The following PTPRD variants were observed in gnomAD, a reference collection of about 807,000 sequenced individuals.
PTPRD encodes the protein protein tyrosine phosphatase receptor type D.
A neutral mutation model predicts 214.5 loss-of-function variants in PTPRD; 34 were observed. That is an observed-to-expected ratio of 0.16 (90% CI 0.12 to 0.21). The LOEUF (loss-of-function observed/expected upper bound fraction) is 0.21. Ranked by LOEUF, PTPRD falls within the 10% of genes least tolerant of loss-of-function variation. The pLI is 1.00. For synonymous variants in PTPRD, 1,128 were observed against 845.7 expected (o/e 1.33, Z -5.79); for missense variants, 2,545 against 2,398.7 (o/e 1.06, Z -1.27).
At chr9:9,224,592 G>A (rs1344534639) in intron 9 of PTPRD, among the ~76,000 whole-genome samples, 1 of 151,886 alleles carries the variant, frequency 6.6e-6, no homozygotes, top group Non-Finnish European at 1.5e-5. Flanking sequence ...CATTATTAAT[G>A]ATTAAGGTAA....
intron 11 of PTPRD, among the ~76,000 whole-genome samples, chr9:8,897,634 C>T (rs900121336): frequency 1.3e-5 from 2 of 152,186 alleles, no homozygotes; most frequent in Non-Finnish European, 2.9e-5. Flanking sequence ...GAACCCAGGA[C>T]TCAGTACCAA....
intron 2 of PTPRD, among the ~76,000 whole-genome samples, chr9:10,352,768 T>C (rs2097204439): frequency 6.6e-6 from 1 of 152,022 alleles, no homozygotes; most frequent in Admixed American, 6.6e-5. Flanking sequence ...TTTAAATCTG[T>C]TGTGTAAATG....
chr9:9,588,073 C>T (rs1449652631), intron 7 of PTPRD, among the ~76,000 whole-genome samples: 1 of 151,876 alleles, frequency 6.6e-6, no homozygotes, highest in South Asian at 2.1e-4. Flanking sequence ...TTGATCATAA[C>T]ACATTCCAAA....
intron 8 of PTPRD, among the ~76,000 whole-genome samples, chr9:9,520,417 A>G (rs981019281): frequency 9.9e-5 from 15 of 151,830 alleles, no homozygotes; most frequent in Non-Finnish European, 2.2e-4. Context: ...GTACATGAAC[A>G]GTTAATAACA....
intron 4 of PTPRD, among the ~76,000 whole-genome samples, chr9:9,991,671 T>C (rs2095931717): frequency 6.6e-6 from 1 of 152,124 alleles, no homozygotes; most frequent in Non-Finnish European, 1.5e-5. Context: ...CAGCCCAAAA[T>C]ATACTTTTAA....
chr9:8,728,172 C>T (rs975396959), intron 12 of PTPRD, among the ~76,000 whole-genome samples: 7 of 152,066 alleles, frequency 4.6e-5, no homozygotes, highest in Non-Finnish European at 7.4e-5. Context: ...ATCGCTTGAA[C>T]CGAGGAGGCG....
At chr9:9,278,567 C>T (rs1017149934) in intron 9 of PTPRD, among the ~76,000 whole-genome samples, 1 of 151,216 alleles carries the variant, frequency 6.6e-6, no homozygotes, top group African/African-American at 2.4e-5. Context: ...AGTTAAGAGC[C>T]TGGCTGTAGA....
intron 9 of PTPRD, among the ~76,000 whole-genome samples, chr9:9,326,378 C>T (rs1373731242): frequency 6.6e-6 from 1 of 151,820 alleles, no homozygotes; most frequent in Non-Finnish European, 1.5e-5. Context: ...AAACAATTAA[C>T]AAAGAATTAT....
intron 37 of PTPRD, 59 bp from the exon 38 acceptor site, chr9:8,376,785 G>T (rs1047936061): frequency 1.3e-6 from 2 of 1,597,694 alleles, no homozygotes; most frequent in Non-Finnish European, 1.7e-6. Flanking sequence ...TATTAACTTT[G>T]CTTTGAGTTG....
At chr9:9,467,555 C>A (rs2094280019) in intron 8 of PTPRD, among the ~76,000 whole-genome samples, 1 of 126,140 alleles carries the variant, frequency 7.9e-6, no homozygotes, top group African/African-American at 3.0e-5. Context: ...CCACTGCACT[C>A]CAGCCTGGGC....
intron 9 of PTPRD, among the ~76,000 whole-genome samples, chr9:9,309,048 T>C (rs537927648): frequency 1.2e-4 from 19 of 152,038 alleles, no homozygotes; most frequent in Non-Finnish European, 2.5e-4. Context: ...TAGGCATTTA[T>C]TTTTCTTCTC....
At chr9:8,531,208 A>G (rs2075599618) in intron 14 of PTPRD, among the ~76,000 whole-genome samples, 1 of 152,084 alleles carries the variant, frequency 6.6e-6, no homozygotes, top group Non-Finnish European at 1.5e-5. Context: ...TTGAATTTCA[A>G]GATGATTTTT....
At chr9:9,914,730 C>T (rs1413443350) in intron 5 of PTPRD, among the ~76,000 whole-genome samples, 3 of 152,154 alleles carry the variant, frequency 2.0e-5, no homozygotes, top group Non-Finnish European at 2.9e-5. Context: ...AAGCTGACTA[C>T]CAGCAGACAC....
At chr9:9,832,150 CAT>C (rs997774765) in intron 5 of PTPRD, among the ~76,000 whole-genome samples, 3 of 151,960 alleles carry the variant, frequency 2.0e-5, no homozygotes, top group African/African-American at 7.2e-5. Context: ...GGTGTTGTGA[CAT>C]GTGCTATTTT....
At chr9:8,581,699 A>T (rs1286944406) in intron 14 of PTPRD, among the ~76,000 whole-genome samples, 1 of 151,802 alleles carries the variant, frequency 6.6e-6, no homozygotes, top group Non-Finnish European at 1.5e-5. Context: ...GTGAGCCGAG[A>T]TCCCGCTACT....
intron 8 of PTPRD, among the ~76,000 whole-genome samples, chr9:9,562,080 C>T (rs2083113409): frequency 6.6e-6 from 1 of 152,160 alleles, no homozygotes; most frequent in Non-Finnish European, 1.5e-5. Context: ...TTCAACATGT[C>T]CAAAATTGAT....
intron 14 of PTPRD, among the ~76,000 whole-genome samples, chr9:8,571,844 A>G (rs1318976045): frequency 2.6e-5 from 4 of 152,054 alleles, no homozygotes; most frequent in Non-Finnish European, 4.4e-5. Flanking sequence ...GCATGTTCTG[A>G]TAAGAGTCCA....
At chr9:9,731,422 G>A (rs2098189507) in intron 7 of PTPRD, among the ~76,000 whole-genome samples, 1 of 151,412 alleles carries the variant, frequency 6.6e-6, no homozygotes, top group African/African-American at 2.4e-5. Flanking sequence ...CTTTCAAAAT[G>A]ATAACTAGAA....
intron 9 of PTPRD, among the ~76,000 whole-genome samples, chr9:9,294,771 C>A (rs1243179687): frequency 6.6e-6 from 1 of 151,602 alleles, no homozygotes; most frequent in Non-Finnish European, 1.5e-5. Flanking sequence ...TTAAGTCACC[C>A]AATCTGGGTA....
Sources: gnomAD v4.1 joint callset for allele counts (sites outside exome capture counted in the v4.1 genomes callset) on GRCh38, gnomAD v4.1.1 for gene constraint, MANE v1.5 for transcripts, NCBI Gene and HGNC (gene_info 2026-07-23, HGNC 2026-07-21) for gene names.